AK4: variants seen among roughly 807,000 people sequenced by gnomAD.
The protein encoded by AK4 is adenylate kinase 4, also known as adenylate kinase 4, mitochondrial.
In AK4, 13 loss-of-function variants were observed where a neutral mutation model predicts 24.6. The ratio of observed to expected loss-of-function variants is 0.53; its 90% confidence interval spans 0.34 to 0.84. The LOEUF (loss-of-function observed/expected upper bound fraction) is 0.84. Among genes scored for constraint, AK4 ranks in the 40% least tolerant of loss-of-function variants. The pLI, the probability that AK4 is intolerant of heterozygous loss-of-function variation, is 0.01. For missense variants in AK4, 192 were observed against 288.2 expected (o/e 0.67, Z 2.42); for synonymous variants, 88 against 107.0 (o/e 0.82, Z 1.10).
chr1:65,194,434 T>C (rs551030689), intron 2 of AK4, among the ~76,000 whole-genome samples: 2 of 152,304 alleles, frequency 1.3e-5, no homozygotes, highest in African/African-American at 4.8e-5. Context: ...ACTGTCCAAT[T>C]GCTGCTAATA....
intron 1 of AK4, among the ~76,000 whole-genome samples, chr1:65,172,685 C>T (rs1650577788): frequency 6.6e-6 from 1 of 152,138 alleles, no homozygotes. Context: ...GATTGTCCTA[C>T]CCAGAAAGCA....
chr1:65,201,093 G>A (rs1337949255), intron 2 of AK4, among the ~76,000 whole-genome samples: 1 of 151,960 alleles, frequency 6.6e-6, no homozygotes, highest in Non-Finnish European at 1.5e-5. Flanking sequence ...GGCCCAGCCA[G>A]TTTTCAGCTT....
At chr1:65,204,999 A>G (rs920064121) in intron 2 of AK4, among the ~76,000 whole-genome samples, 1 of 152,184 alleles carries the variant, frequency 6.6e-6, no homozygotes, top group African/African-American at 2.4e-5. Flanking sequence ...ACTGTATCTG[A>G]GTAAAGGTGC....
intron 3 of AK4, among the ~76,000 whole-genome samples, chr1:65,223,469 A>T (rs1041431335): frequency 6.6e-6 from 1 of 152,018 alleles, no homozygotes; most frequent in Non-Finnish European, 1.5e-5. Context: ...GATTATAGGC[A>T]TGAGCCACTG....
intron 2 of AK4, among the ~76,000 whole-genome samples, chr1:65,216,116 C>T (rs1159271600): frequency 1.3e-5 from 2 of 151,024 alleles, no homozygotes; most frequent in Non-Finnish European, 2.9e-5. Context: ...TTTACCCATG[C>T]AGTTTCACTA....
At chr1:65,148,068 C>T (rs1291055370), upstream of AK4, 4 of 260,422 alleles carry the variant, frequency 1.5e-5, no homozygotes, top group East Asian at 8.4e-5. Context: ...GTGGGACTGG[C>T]CGGGCCGACC....
At chr1:65,201,571 A>G (rs910591432) in intron 2 of AK4, among the ~76,000 whole-genome samples, 4 of 152,196 alleles carry the variant, frequency 2.6e-5, no homozygotes, top group African/African-American at 9.6e-5. Flanking sequence ...TTGATAAGCT[A>G]GGCATCCGTC....
At chr1:65,159,900 G>A (rs184115785) in intron 1 of AK4, among the ~76,000 whole-genome samples, 32 of 150,938 alleles carry the variant, frequency 2.1e-4, no homozygotes, top group East Asian at 1.2e-3. Flanking sequence ...CCCAGGAGGC[G>A]GAGGTTGTAG....
intron 1 of AK4, among the ~76,000 whole-genome samples, chr1:65,161,243 G>A (rs1650148648): frequency 6.6e-6 from 1 of 152,138 alleles, no homozygotes; most frequent in Admixed American, 6.5e-5. Context: ...CAGGAATAAT[G>A]CCTGAACTTG....
chr1:65,186,434 A>G (rs374498093), intron 1 of AK4, among the ~76,000 whole-genome samples: 7 of 152,298 alleles, frequency 4.6e-5, no homozygotes, highest in Admixed American at 4.6e-4. Context: ...GGCCCATGCA[A>G]CACATTTTTA....
At chr1:65,224,301 C>A (rs747175436) in intron 3 of AK4, among the ~76,000 whole-genome samples, 2 of 152,162 alleles carry the variant, frequency 1.3e-5, no homozygotes, top group South Asian at 4.1e-4. Flanking sequence ...GGTACTGAAC[C>A]GTATTCTCCT....
At chr1:65,182,633 C>G (rs897087622) in intron 1 of AK4, among the ~76,000 whole-genome samples, 1 of 152,038 alleles carries the variant, frequency 6.6e-6, no homozygotes, top group Non-Finnish European at 1.5e-5. Context: ...TTTTACCTAA[C>G]TAAAGTCAAT....
At chr1:65,147,692 T>TGGCGA (rs1649607155), upstream of AK4, 2 of 151,872 alleles carry the variant, frequency 1.3e-5, no homozygotes, top group Non-Finnish European at 2.9e-5. Context: ...TTGCTTTTGG[T>TGGCGA]GGCGAGGCGC....
intron 2 of AK4, among the ~76,000 whole-genome samples, chr1:65,214,045 T>G (rs1381168426): frequency 6.6e-6 from 1 of 152,172 alleles, no homozygotes; most frequent in Non-Finnish European, 1.5e-5. Context: ...CCAGGATTGT[T>G]TAAGCCACCC....
chr1:65,189,376 T>G (rs1347494462), intron 1 of AK4, among the ~76,000 whole-genome samples: 1 of 151,384 alleles, frequency 6.6e-6, no homozygotes, highest in Non-Finnish European at 1.5e-5. Context: ...CCTCCTGGGT[T>G]CAAGTGATTC....
Position 65,188,469 on chromosome 1 carries a change from T to C in AK4, c.146-2241T>C, listed in dbSNP as rs555303201. ...TCTAGTAATATAATTCCGCTTTGTG[T>C]TTTTATTTTTATTTTTATTTTTTGT... On this transcript the variant is annotated intron_variant, in intron 1 of 4. Coordinates refer to ENST00000327299, the MANE Select transcript of AK4 (RefSeq NM_013410.4). Among the ~76,000 whole-genome samples the C allele has an allele frequency of 5.9e-5, 9 of 152,068 alleles. No homozygotes were observed. The East Asian group carries it at 1.7e-3, about 29-fold the overall frequency.
At chr1:65,163,258 CTT>C (rs1224694039) in intron 1 of AK4, among the ~76,000 whole-genome samples, 1 of 152,210 alleles carries the variant, frequency 6.6e-6, no homozygotes, top group Non-Finnish European at 1.5e-5. Context: ...TCATCGTCAA[CTT>C]TTACCTTCTG....
At chr1:65,148,139 G>A (rs542556850), upstream of AK4, 3 of 619,244 alleles carry the variant, frequency 4.8e-6, no homozygotes, top group African/African-American at 3.8e-5. Flanking sequence ...AGCTTTGCGT[G>A]GGGGCGAGGA....
intron 1 of AK4, among the ~76,000 whole-genome samples, chr1:65,177,268 C>T (rs1447421665): frequency 1.4e-5 from 2 of 139,322 alleles, no homozygotes; most frequent in Non-Finnish European, 3.1e-5. Context: ...GCATATTAGT[C>T]TAATATCCAA....
Sources: allele counts gnomAD v4.1 joint callset (sites outside exome capture counted in the v4.1 genomes callset), GRCh38; gene constraint gnomAD v4.1.1; transcripts MANE v1.5; gene names NCBI Gene and HGNC (gene_info 2026-07-23, HGNC 2026-07-21).